Variants in DYSF observed in about 807,000 individuals in gnomAD.
DYSF encodes the protein dystrophy-associated fer-1-like 1.
Under a neutral mutation model 274.9 loss-of-function variants are expected in DYSF, and 212 were observed. That is an observed-to-expected ratio of 0.77 (90% CI 0.69 to 0.86). DYSF has a LOEUF of 0.86. Among genes scored for constraint, DYSF ranks in the 40% least tolerant of loss-of-function variants. The pLI, the probability that DYSF is intolerant of heterozygous loss-of-function variation, is 0.00. For synonymous variants in DYSF, 1,091 were observed against 1,078.7 expected (o/e 1.01, Z -0.22); for missense variants, 2,666 against 2,783.2 (o/e 0.96, Z 0.95).
At chr2:71,606,279 A>C (rs2093645397) in intron 36 of DYSF, among the ~76,000 whole-genome samples, 1 of 152,134 alleles carries the variant, frequency 6.6e-6, no homozygotes, top group Admixed American at 6.5e-5. Context: ...TGGCTTGATC[A>C]ACACTCTGCA....
intron 36 of DYSF, 151 bp from the exon 37 acceptor site, chr2:71,611,094 T>G: frequency 1.4e-6 from 1 of 718,280 alleles, no homozygotes; most frequent in Non-Finnish European, 2.5e-6. Context: ...GCTTTTTCGT[T>G]TCTGCCTCCC....
intron 24 of DYSF, among the ~76,000 whole-genome samples, chr2:71,564,871 G>T (rs2091987181): frequency 6.6e-6 from 1 of 152,220 alleles, no homozygotes; most frequent in African/African-American, 2.4e-5. Flanking sequence ...GGTGCTTGGG[G>T]AGAGCCCATC....
rs199870606 is a variant in DYSF at position 71,611,483 on chromosome 2, C to A, written c.4078C>A (p.Arg1360=). The part of the protein sequence containing the change: ...TAIEILAWGL[R]NMKSYQLANI... ...TGCTTAGATCCTGGCATGGGGCCTGCGGAACATGAAGAGTTACCAGCTGGC... is the reference window on the plus strand; with the variant it reads ...TGCTTAGATCCTGGCATGGGGCCTGAGGAACATGAAGAGTTACCAGCTGGC... Residue 1360 remains arginine, a synonymous_variant, in exon 38 of 56, where the codon CGG becomes AGG. Transcript: ENST00000410020. 1.9e-6 allele frequency: 3 copies of A among 1,613,974 alleles called. No individual in the cohort carries two copies. Among genetic ancestry groups the A allele is most frequent in the Non-Finnish European group, 2.5e-6 (3 of 1,180,030 alleles).
chr2:71,534,759 G>A (rs2089133596), intron 14 of DYSF, among the ~76,000 whole-genome samples: 1 of 152,126 alleles, frequency 6.6e-6, no homozygotes, highest in African/African-American at 2.4e-5. Context: ...GTGAGTTAAG[G>A]GTAGAAGGGC....
rs191483468 is a variant in DYSF, at chr2:71,578,343, T to C, written c.3402+3972T>C. 2.5e-4 allele frequency among the ~76,000 whole-genome samples: 38 copies of C among 151,710 alleles called. 1 individual carries two copies. The East Asian group carries it at 7.2e-3, about 29-fold the overall frequency. On this transcript the variant is annotated intron_variant, in intron 30 of 55. Transcript: ENST00000410020. ...GAGCATGTGCATTCCTGCTGGGAGG[T>C]GTGTGGCCAGGGTCCTGGAGAGGGA...
At position 71,551,698 on chromosome 2, in the gene DYSF, C is replaced by A; in HGVS notation, c.1784C>A (p.Ala595Glu). ...GAACAGAAGGTGGAGGACCTTCCTGCGGATGACATCCTCCGGGTGGAGGTG... is the reference window on the plus strand; with the variant it reads ...GAACAGAAGGTGGAGGACCTTCCTGAGGATGACATCCTCCGGGTGGAGGTG... Reference protein sequence around the residue: ...HSEQKVEDLPADDILRVEKYL... With the variant: ...HSEQKVEDLPEDDILRVEKYL... The change falls in exon 19 of 56, where the codon GCG (alanine) becomes GAG (glutamate). Residue 595 changes from alanine (A) to glutamate (E), a missense_variant. Physicochemically the swap from Ala to Glu is moderately radical, Grantham distance 107. Coordinates refer to ENST00000410020, the MANE Select transcript of DYSF (RefSeq NM_001130987.2). The A allele has an allele frequency of 6.2e-7, 1 of 1,609,124 alleles. No homozygotes were observed. Among genetic ancestry groups the A allele is most frequent in the Non-Finnish European group, 8.5e-7 (1 of 1,178,832 alleles).
At chr2:71,584,495 G>T (rs1183873553) in intron 30 of DYSF, among the ~76,000 whole-genome samples, 1 of 152,110 alleles carries the variant, frequency 6.6e-6, no homozygotes, top group Non-Finnish European at 1.5e-5. Flanking sequence ...TTTTTCCATA[G>T]TAACATCAGA....
rs10181120 is a variant in DYSF, at chr2:71,511,712, C to T, written c.346-95C>T. ...ACCTGGCTCTTGTCAGAGCCATATT[C>T]CTTGGTGGAGGGATGCCAGAAACAG... is the stretch of plus-strand genomic sequence containing the variant. On this transcript the variant is annotated intron_variant, in intron 4 of 55. Transcript: ENST00000410020. 2.9e-3 allele frequency: 2,422 copies of T among 843,800 alleles called. 42 individuals carry two copies. In the African/African-American group the frequency reaches 0.036, roughly 12 times the overall value. 52.3% of individuals were successfully genotyped at this position (843,800 alleles called of 1,614,324 possible).
At chr2:71,461,116 A>G (rs1397994185) in intron 1 of DYSF, among the ~76,000 whole-genome samples, 3 of 152,102 alleles carry the variant, frequency 2.0e-5, no homozygotes, top group South Asian at 2.1e-4. Flanking sequence ...GTCCTGTACT[A>G]CACGCTGGGA....
chr2:71,515,615 G>GAT lies in DYSF; in HGVS notation c.760-8_760-7insAT, dbSNP rs2086572242. ...TTCCTCCTGCTCTTTCCTCCTTCTG[G>GAT]CTTTCAGATCAGGGTCCAGGTGATC... On this transcript the variant is annotated splice_polypyrimidine_tract_variant and splice_region_variant and intron_variant, in intron 7 of 55. Coordinates refer to ENST00000410020, the MANE Select transcript of DYSF (RefSeq NM_001130987.2). The GAT allele has an allele frequency of 6.2e-7, 1 of 1,613,714 alleles. No individual in the cohort carries two copies. The highest frequency in any genetic ancestry group is 1.7e-5 in the Admixed American group (1 of 59,972).
intron 42 of DYSF, among the ~76,000 whole-genome samples, chr2:71,655,487 T>C (rs2094751070): frequency 6.6e-6 from 1 of 152,194 alleles, no homozygotes; most frequent in African/African-American, 2.4e-5. Flanking sequence ...TTTATCAGCA[T>C]AATAAAAAAC....
intron 4 of DYSF, among the ~76,000 whole-genome samples, chr2:71,505,978 G>C (rs1228131110): frequency 6.6e-6 from 1 of 152,184 alleles, no homozygotes; most frequent in Non-Finnish European, 1.5e-5. Context: ...TCAAAGGTTT[G>C]GAGCTTCTGC....
In DYSF at chr2:71,682,516, G is replaced by A; in HGVS notation, c.6174-14G>A. 1 of 1,614,100 alleles carries A rather than the reference G, an allele frequency of 6.2e-7. No individual in the cohort carries two copies. Among genetic ancestry groups the A allele is most frequent in the Non-Finnish European group, 8.5e-7 (1 of 1,180,014 alleles). On this transcript the variant is annotated splice_polypyrimidine_tract_variant and intron_variant, in intron 54 of 55. Transcript: ENST00000410020. ...TAAAGGATGCCCAGTTGACCTCCGG[G>A]ATCTCGCTTCCAGGCGCCCCGACAC...
At chr2:71,495,948 G>C (rs1257472502) in intron 3 of DYSF, among the ~76,000 whole-genome samples, 2 of 151,790 alleles carry the variant, frequency 1.3e-5, no homozygotes, top group Non-Finnish European at 2.9e-5. Flanking sequence ...CTACCACAGG[G>C]TTGCCTCTCT....
At chr2:71,643,011 C>T (rs915012968) in intron 41 of DYSF, among the ~76,000 whole-genome samples, 1 of 152,290 alleles carries the variant, frequency 6.6e-6, no homozygotes, top group South Asian at 2.1e-4. Context: ...TCCCACTAAA[C>T]CAGATAAGCT....
rs758790317 is a variant in DYSF, at chr2:71,589,718, A to G, written c.3496+32A>G. 16 of 1,576,402 alleles carry G rather than the reference A, an allele frequency of 1.0e-5. No homozygotes were observed. In the East Asian group the frequency reaches 3.6e-4, roughly 35 times the overall value. On this transcript the variant is annotated intron_variant, in intron 31 of 55. Transcript: ENST00000410020. ...GAGGCTTCGAGGCCTCTATGGGGTG[A>G]TAAGGGTGTGTCACCTTATGCTTCT... is the stretch of plus-strand genomic sequence containing the variant.
chr2:71,566,129 C>A (rs2092087047), intron 24 of DYSF, among the ~76,000 whole-genome samples: 1 of 151,232 alleles, frequency 6.6e-6, no homozygotes, highest in Non-Finnish European at 1.5e-5. Context: ...CCTCCTAAGC[C>A]AGTTCCTGGC....
At position 71,679,079 on chromosome 2, in the gene DYSF, C is replaced by T; in HGVS notation, c.5907C>T (p.Asn1969=). 6.2e-7 allele frequency: 1 copy of T among 1,614,022 alleles called. No homozygotes were observed. The highest frequency in any genetic ancestry group is 8.5e-7 in the Non-Finnish European group (1 of 1,179,914). Residue 1969 remains asparagine, a synonymous_variant, in exon 53 of 56, where the codon AAC becomes AAT. Coordinates refer to ENST00000410020, the MANE Select transcript of DYSF (RefSeq NM_001130987.2). ...CAGGCTCCCTGCAGCTCGATCTCAA[C>T]CGCATGCCCAAGCCAGCCAAGACAG... ...DFLGSLQLDL[N]RMPKPAKTAK...
intron 17 of DYSF, 74 bp downstream of exon 17, chr2:71,539,313 C>T (rs2152767184): frequency 1.5e-6 from 2 of 1,356,892 alleles, no homozygotes; most frequent in South Asian, 2.3e-5. Flanking sequence ...GCTTACACTT[C>T]TAGTTTTGAG....
Sources: gnomAD v4.1 joint callset for allele counts (sites outside exome capture counted in the v4.1 genomes callset) on GRCh38, gnomAD v4.1.1 for gene constraint, MANE v1.5 for transcripts, NCBI Gene and HGNC (gene_info 2026-07-23, HGNC 2026-07-21) for gene names.